CCDC192: variants seen among roughly 807,000 people sequenced by gnomAD.
The protein encoded by CCDC192 is coiled-coil domain containing 192.
At chr5:127,719,522 TATAC>T (rs1751857439) in intron 2 of CCDC192, among the ~76,000 whole-genome samples, 1 of 49,520 alleles carries the variant, frequency 2.0e-5, no homozygotes. Context: ...TATATATATA[TATAC>T]ACACATACAT....
At chr5:127,864,522 A>C (rs140785089) in intron 5 of CCDC192, among the ~76,000 whole-genome samples, 13 of 152,354 alleles carry the variant, frequency 8.5e-5, no homozygotes, top group African/African-American at 2.6e-4. Context: ...GGAATTAGTT[A>C]AGACATCTTG....
intron 6 of CCDC192, among the ~76,000 whole-genome samples, chr5:127,886,214 A>G (rs1752554663): frequency 6.6e-6 from 1 of 152,204 alleles, no homozygotes; most frequent in African/African-American, 2.4e-5. Context: ...GGGCACACCA[A>G]TAGAGCATCT....
chr5:127,938,895 A>T (rs1364525781), intron 6 of CCDC192, among the ~76,000 whole-genome samples: 3 of 151,968 alleles, frequency 2.0e-5, no homozygotes, highest in African/African-American at 7.2e-5. Context: ...CTCCTGCCAT[A>T]TGGACTCCCT....
chr5:127,913,428 C>T (rs1447300710), intron 6 of CCDC192, among the ~76,000 whole-genome samples: 1 of 152,216 alleles, frequency 6.6e-6, no homozygotes, highest in Non-Finnish European at 1.5e-5. Flanking sequence ...TGAGGCCTCA[C>T]TGACCACCAA....
intron 6 of CCDC192, among the ~76,000 whole-genome samples, chr5:127,914,607 A>C (rs1289705002): frequency 6.6e-6 from 1 of 152,184 alleles, no homozygotes; most frequent in Non-Finnish European, 1.5e-5. Flanking sequence ...CTTTTACTTG[A>C]CTATTCTACT....
In CCDC192 at chr5:127,941,225, G is replaced by A; in HGVS notation, c.579G>A (p.Val193=). ...GGTTCTGTGGAGGTCTCCCACCTGT[G>A]GAAGAAGGTGATAGAAAAATTAGCC... The part of the protein sequence containing the change: ...LEGFCGGLPP[V]EEGDRKISLI... The change falls in exon 7 of 7, where the codon GTG becomes GTA. Residue 193 remains valine, a synonymous_variant. Coordinates refer to ENST00000514853, the MANE Select transcript of CCDC192 (RefSeq NM_001317938.2). 1 of 399,060 alleles carries A rather than the reference G, an allele frequency of 2.5e-6. No individual in the cohort carries two copies. The highest frequency in any genetic ancestry group is 4.4e-6 in the Non-Finnish European group (1 of 226,068). 24.7% of individuals were successfully genotyped at this position (399,060 alleles called of 1,614,324 possible).
At chr5:127,935,077 G>C (rs1480866444) in intron 6 of CCDC192, among the ~76,000 whole-genome samples, 2 of 152,188 alleles carry the variant, frequency 1.3e-5, no homozygotes, top group African/African-American at 4.8e-5. Flanking sequence ...TAGCTTGAAA[G>C]GCAGAGGGAA....
Position 127,815,248 on chromosome 5 carries a change from G to C in CCDC192, c.411+17086G>C, listed in dbSNP as rs187540858. On this transcript the variant is annotated intron_variant, in intron 5 of 6. Transcript: ENST00000514853. ...TTTTAGAAAGAGTCGATGGATATTTGTGTGCCATTTTCTGTTGACTCCCGC... is the reference window on the plus strand; with the variant it reads ...TTTTAGAAAGAGTCGATGGATATTTCTGTGCCATTTTCTGTTGACTCCCGC... Among the ~76,000 whole-genome samples the C allele has an allele frequency of 5.1e-4, 77 of 152,278 alleles. 1 individual carries two copies. The highest frequency in any genetic ancestry group is 1.2e-3 in the African/African-American group (51 of 41,560).
At chr5:127,764,506 C>A (rs1755106658) in intron 3 of CCDC192, among the ~76,000 whole-genome samples, 1 of 152,136 alleles carries the variant, frequency 6.6e-6, no homozygotes, top group South Asian at 2.1e-4. Flanking sequence ...TTCTTATGGA[C>A]AACTCCATGC....
intron 2 of CCDC192, among the ~76,000 whole-genome samples, chr5:127,729,559 G>C (rs1274647269): frequency 6.6e-6 from 1 of 152,168 alleles, no homozygotes; most frequent in Admixed American, 6.5e-5. Flanking sequence ...CAAAACTACA[G>C]AATATACATT....
chr5:127,836,091 A>C (rs1284302434), intron 5 of CCDC192, among the ~76,000 whole-genome samples: 1 of 152,216 alleles, frequency 6.6e-6, no homozygotes, highest in Non-Finnish European at 1.5e-5. Context: ...TCCAAGATAC[A>C]ATAGGGCTAC....
At position 127,892,109 on chromosome 5, in the gene CCDC192, TA is replaced by T. The variant is rs1017028220; in HGVS notation, c.535+16455del. ...AAGATGTTGCGCAAATTACTAAGTC[TA>T]AAAAAAGCCAAGAAGCTATAAAGAA... On this transcript the variant is annotated intron_variant, in intron 6 of 6. Coordinates refer to ENST00000514853, the MANE Select transcript of CCDC192 (RefSeq NM_001317938.2). Among the ~76,000 whole-genome samples, 166 of 152,238 alleles carry T rather than the reference TA, an allele frequency of 1.1e-3. 1 individual carries two copies. The highest frequency in any genetic ancestry group is 3.8e-3 in the African/African-American group (156 of 41,550).
chr5:127,854,197 C>T (rs1174601736), intron 5 of CCDC192, among the ~76,000 whole-genome samples: 1 of 152,180 alleles, frequency 6.6e-6, no homozygotes, highest in Admixed American at 6.5e-5. Flanking sequence ...TCATTAAATC[C>T]TTGAGTTCCT....
intron 3 of CCDC192, among the ~76,000 whole-genome samples, chr5:127,767,967 A>T (rs1472024887): frequency 6.6e-6 from 1 of 152,166 alleles, no homozygotes; most frequent in African/African-American, 2.4e-5. Context: ...AGTAAAGATA[A>T]GGTCGGCAGG....
chr5:127,765,985 C>T (rs1026882256), intron 3 of CCDC192, among the ~76,000 whole-genome samples: 1 of 152,234 alleles, frequency 6.6e-6, no homozygotes, highest in South Asian at 2.1e-4. Context: ...AATTCTTCCT[C>T]CACTGCCTGT....
intron 5 of CCDC192, among the ~76,000 whole-genome samples, chr5:127,825,994 GATTT>G (rs1749512145): frequency 6.6e-6 from 1 of 152,126 alleles, no homozygotes; most frequent in African/African-American, 2.4e-5. Context: ...AATTTGTTGA[GATTT>G]ATTTGGCCAT....
intron 6 of CCDC192, among the ~76,000 whole-genome samples, chr5:127,911,718 T>C (rs1753359816): frequency 6.6e-6 from 1 of 150,946 alleles, no homozygotes; most frequent in Admixed American, 6.6e-5. Context: ...TTTTTTTTTT[T>C]TTACAGACAG....
intron 3 of CCDC192, among the ~76,000 whole-genome samples, chr5:127,776,885 C>T (rs139994680): frequency 9.5e-4 from 144 of 152,316 alleles, no homozygotes; most frequent in African/African-American, 3.1e-3. Context: ...TGGAAACTTC[C>T]GCCTAGGTTT....
At chr5:127,936,627 C>T (rs1754193410) in intron 6 of CCDC192, among the ~76,000 whole-genome samples, 1 of 152,098 alleles carries the variant, frequency 6.6e-6, no homozygotes, top group Admixed American at 6.5e-5. Flanking sequence ...CTGTAAAAAC[C>T]CCTTCAGTAG....
Sources: allele counts gnomAD v4.1 joint callset (sites outside exome capture counted in the v4.1 genomes callset), GRCh38; gene constraint gnomAD v4.1.1; transcripts MANE v1.5; gene names NCBI Gene and HGNC (gene_info 2026-07-23, HGNC 2026-07-21).